The following SPTB variants were observed in gnomAD, a reference collection of about 807,000 sequenced individuals.
SPTB encodes spectrin beta chain, erythrocytic.
A neutral mutation model predicts 256.2 loss-of-function variants in SPTB; 45 were observed. That is an observed-to-expected ratio of 0.18 (90% confidence interval 0.14 to 0.23). The LOEUF (loss-of-function observed/expected upper bound fraction) is 0.23, where lower values mean the gene tolerates loss of function less well. Ranked by LOEUF, SPTB falls within the 10% of genes least tolerant of loss-of-function variation. SPTB has a pLI of 1.00. For synonymous variants in SPTB, 1,231 were observed against 1,243.1 expected, an observed-to-expected ratio of 0.99 and a Z score of 0.21; for missense variants, 2,715 against 3,040.4, an observed-to-expected ratio of 0.89 and a Z score of 2.52.
intron 19 of SPTB, 126 bp from the exon 20 acceptor site, chr14:64,782,679 G>A: frequency 7.1e-7 from 1 of 1,404,508 alleles, no homozygotes; most frequent in Non-Finnish European, 9.8e-7. Context: ...CATAGAACAT[G>A]GGTAAGACTC....
chr14:64,860,185 T>A (rs1268226403), intron 1 of SPTB, among the ~76,000 whole-genome samples: 1 of 152,180 alleles, frequency 6.6e-6, no homozygotes. Flanking sequence ...CCCAGTGACA[T>A]GAACCAAGCA....
At position 64,853,336 on chromosome 14, in the gene SPTB, G is replaced by A. The variant is rs1755074876; in HGVS notation, c.-52+26456C>T. Among the ~76,000 whole-genome samples the A allele has an allele frequency of 1.3e-5, 2 of 152,232 alleles. No individual in the cohort carries two copies. Among genetic ancestry groups the A allele is most frequent in the South Asian group, 4.1e-4 (2 of 4,836 alleles). Reference sequence around the variant, plus strand: ...GTTTAGGCTGCCCAGAATAGGAGCTGAGGGTGAACCCTGGAGAACCTCTTC... The same window carrying A: ...GTTTAGGCTGCCCAGAATAGGAGCTAAGGGTGAACCCTGGAGAACCTCTTC... On this transcript the variant is annotated intron_variant, in intron 1 of 35. Transcript: ENST00000644917. This position sits in a 1 kb window ranked among gnomAD's most constrained non-coding sequence, Gnocchi z 4.3.
chr14:64,779,009 C>CA lies in SPTB; in HGVS notation c.4563+147dup. 1 of 660,452 alleles carries CA rather than the reference C, an allele frequency of 1.5e-6. No individual in the cohort carries two copies. The highest frequency in any genetic ancestry group is 2.9e-5 in the East Asian group (1 of 34,726). The allele number at this position is 660,452 out of a possible 1,614,324, so 40.9% of individuals were successfully genotyped here. A position where few individuals can be genotyped will look rare whatever the true frequency, so the allele number is the denominator to read the frequency against. ...CCTGCTCTTTCTGCTATAAGATTAC[C>CA]AATACGGTTTGGAGACCCCAAAGCT... is the stretch of plus-strand genomic sequence containing the variant. On this transcript the variant is annotated intron_variant, in intron 22 of 35. Coordinates refer to ENST00000644917, the MANE Select transcript of SPTB (RefSeq NM_001355436.2). The surrounding 1 kb of genome is among the most constrained non-coding windows in gnomAD (Gnocchi z 4.2).
intron 1 of SPTB, among the ~76,000 whole-genome samples, chr14:64,839,558 A>C (rs2083574074): frequency 6.6e-6 from 1 of 152,234 alleles, no homozygotes; most frequent in Admixed American, 6.5e-5. Flanking sequence ...ATTTTACTGT[A>C]TGTAAATTAT....
intron 2 of SPTB, among the ~76,000 whole-genome samples, chr14:64,820,312 A>G (rs113625355): frequency 3.3e-5 from 5 of 152,302 alleles, no homozygotes; most frequent in African/African-American, 1.2e-4. Flanking sequence ...GAAGGCTGAC[A>G]TGCTCCCTTT....
At chr14:64,769,826 A>G in intron 27 of SPTB, 98 bp from the exon 28 acceptor site, 1 of 1,552,208 alleles carries the variant, frequency 6.4e-7, no homozygotes, top group South Asian at 1.1e-5. Context: ...TGCCTGTGGG[A>G]GTGTGACCGT....
intron 32 of SPTB, chr14:64,756,278 T>C (rs1030881412): frequency 6.6e-6 from 1 of 152,232 alleles, no homozygotes; most frequent in African/African-American, 2.4e-5. Context: ...TCTACTTCAA[T>C]AAACTCCCAG....
At chr14:64,865,202 A>C (rs936665652) in intron 1 of SPTB, among the ~76,000 whole-genome samples, 1 of 152,070 alleles carries the variant, frequency 6.6e-6, no homozygotes, top group African/African-American at 2.4e-5. Context: ...TATAGACTGT[A>C]ATGATCACTT....
In SPTB at chr14:64,816,332, T is replaced by C. The variant is rs1204271544; in HGVS notation, c.148+6615A>G. On this transcript the variant is annotated intron_variant, in intron 2 of 35. Coordinates refer to ENST00000644917, the MANE Select transcript of SPTB (RefSeq NM_001355436.2). The surrounding 1 kb of genome is among the most constrained non-coding windows in gnomAD (Gnocchi z 4.2). ...CCTAAATCAATATATATTCCCTCCT[T>C]AAACTCCACAGCCACCCCTTTTGAG... Among the ~76,000 whole-genome samples, 2 of 152,172 alleles carry C rather than the reference T, an allele frequency of 1.3e-5. No homozygotes were observed. Among genetic ancestry groups the C allele is most frequent in the Non-Finnish European group, 2.9e-5 (2 of 68,024 alleles).
At chr14:64,867,124 T>C (rs567154989) in intron 1 of SPTB, among the ~76,000 whole-genome samples, 4 of 152,288 alleles carry the variant, frequency 2.6e-5, no homozygotes, top group East Asian at 1.9e-4. Flanking sequence ...GTGGAGAATA[T>C]AGAGGTGGAA....
chr14:64,872,550 C>T (rs1255011235), intron 1 of SPTB, among the ~76,000 whole-genome samples: 2 of 152,242 alleles, frequency 1.3e-5, no homozygotes, highest in Admixed American at 6.5e-5. Context: ...CATCAAGACC[C>T]GCTTTTCTCT....
At chr14:64,803,930 T>C in intron 3 of SPTB, 150 bp from the exon 4 acceptor site, 2 of 837,632 alleles carry the variant, frequency 2.4e-6, no homozygotes, top group Non-Finnish European at 3.7e-6. Flanking sequence ...CACTATTCAA[T>C]GCTTTCCTTT....
intron 1 of SPTB, among the ~76,000 whole-genome samples, chr14:64,854,670 T>C (rs965919413): frequency 1.3e-5 from 2 of 152,038 alleles, no homozygotes; most frequent in Admixed American, 6.5e-5. Context: ...GCTAGTCGTG[T>C]AGGATTTCCA....
In SPTB at chr14:64,758,867, A is replaced by C. The variant is rs1376982901; in HGVS notation, c.6346-5074T>G. On this transcript the variant is annotated intron_variant, in intron 32 of 35. Transcript: ENST00000644917. This position sits in a 1 kb window ranked among gnomAD's most constrained non-coding sequence, Gnocchi z 4.6. ...ATGTAAAGATCTTTTGCAATTCATA[A>C]GAGATAAGGAATTTCTCTGGGGCCT... Among the ~76,000 whole-genome samples, 1 of 151,376 alleles carries C rather than the reference A, an allele frequency of 6.6e-6. No individual in the cohort carries two copies. The highest frequency in any genetic ancestry group is 1.5e-5 in the Non-Finnish European group (1 of 67,912).
chr14:64,876,773 G>C (rs760482518), intron 1 of SPTB, among the ~76,000 whole-genome samples: 12 of 152,082 alleles, frequency 7.9e-5, no homozygotes, highest in Non-Finnish European at 1.8e-4. Flanking sequence ...TAAAATGAAA[G>C]GACTAGATAT....
At chr14:64,850,175 A>G (rs2083759233) in intron 1 of SPTB, among the ~76,000 whole-genome samples, 1 of 152,236 alleles carries the variant, frequency 6.6e-6, no homozygotes, top group South Asian at 2.1e-4. Flanking sequence ...TGTGAAGAGG[A>G]CAAGAAGGAC....
intron 22 of SPTB, among the ~76,000 whole-genome samples, chr14:64,776,277 T>C (rs1223998798): frequency 6.6e-6 from 1 of 152,116 alleles, no homozygotes; most frequent in African/African-American, 2.4e-5. Context: ...AATAACCACA[T>C]CTACAAGTCA....
rs915923876 is a variant in SPTB at position 64,760,382 on chromosome 14, A to G, written c.6345+6344T>C. Among the ~76,000 whole-genome samples the G allele has an allele frequency of 6.6e-6, 1 of 152,160 alleles. No individual in the cohort carries two copies. Among genetic ancestry groups the G allele is most frequent in the Non-Finnish European group, 1.5e-5 (1 of 68,022 alleles). On this transcript the variant is annotated intron_variant, in intron 32 of 35. Transcript: ENST00000644917. The surrounding 1 kb of genome is among the most constrained non-coding windows in gnomAD (Gnocchi z 4.3). The stretch of plus-strand genomic sequence containing the variant: ...CAGCAGGTGGCGCGGGGGACTGCAC[A>G]CAGACAACAAACTCCTCAGGCTCCC...
intron 32 of SPTB, chr14:64,754,589 G>A (rs1781745481): frequency 6.5e-6 from 1 of 153,288 alleles, no homozygotes; most frequent in African/African-American, 2.4e-5. Flanking sequence ...AGCAGGAGTT[G>A]AGAATCCCCC....
Sources: allele counts gnomAD v4.1 joint callset (sites outside exome capture counted in the v4.1 genomes callset), GRCh38; gene constraint gnomAD v4.1.1; non-coding constraint Gnocchi (gnomAD v3.1); transcripts MANE v1.5; gene names NCBI Gene and HGNC (gene_info 2026-07-23, HGNC 2026-07-21).